CLCN3: variants seen among roughly 807,000 people sequenced by gnomAD.
CLCN3 encodes the protein H(+)/Cl(-) exchange transporter 3.
A neutral mutation model predicts 83.4 loss-of-function variants in CLCN3; 16 were observed. The ratio of observed to expected loss-of-function variants is 0.19; its 90% confidence interval spans 0.13 to 0.29. The LOEUF is 0.29. CLCN3 is among the 10% of genes least tolerant of loss of function. CLCN3 has a pLI of 1.00. For missense variants in CLCN3, 544 were observed against 1,006.0 expected (o/e 0.54, Z 6.21); for synonymous variants, 322 against 346.2 (o/e 0.93, Z 0.78).
intron 2 of CLCN3, among the ~76,000 whole-genome samples, chr4:169,655,862 A>T (rs1259635188): frequency 6.6e-6 from 1 of 152,154 alleles, no homozygotes; most frequent in East Asian, 1.9e-4. Flanking sequence ...GTGATATGTT[A>T]TTTGGGTAAC....
At chr4:169,708,187 C>G (rs1271139004) in intron 11 of CLCN3, among the ~76,000 whole-genome samples, 1 of 152,000 alleles carries the variant, frequency 6.6e-6, no homozygotes, top group African/African-American at 2.4e-5. Context: ...GTGGCCATTG[C>G]AAAAGGATTT....
At chr4:169,643,567 C>T (rs1435590236) in intron 2 of CLCN3, among the ~76,000 whole-genome samples, 1 of 152,046 alleles carries the variant, frequency 6.6e-6, no homozygotes, top group South Asian at 2.1e-4. Flanking sequence ...GGGTCTCATT[C>T]TGTCATCCAG....
intron 2 of CLCN3, among the ~76,000 whole-genome samples, chr4:169,636,545 A>G (rs1167591531): frequency 6.6e-6 from 1 of 152,184 alleles, no homozygotes; most frequent in Non-Finnish European, 1.5e-5. Flanking sequence ...TTTTGCAAGT[A>G]TTTAAACTTT....
chr4:169,690,998 C>T (rs371114163), intron 6 of CLCN3, among the ~76,000 whole-genome samples: 1 of 151,650 alleles, frequency 6.6e-6, no homozygotes, highest in Non-Finnish European at 1.5e-5. Context: ...GCTGTTATGA[C>T]CCTGAATTTT....
chr4:169,719,316 G>A (rs1328767492), intron 12 of CLCN3, among the ~76,000 whole-genome samples: 1 of 152,142 alleles, frequency 6.6e-6, no homozygotes, highest in African/African-American at 2.4e-5. Context: ...AATAATTGGG[G>A]CATGGTGGCA....
rs568676702 is a variant in CLCN3 at position 169,641,280 on chromosome 4, A to T, written c.160+5192A>T. Among the ~76,000 whole-genome samples the T allele has an allele frequency of 1.1e-4, 17 of 152,108 alleles. 1 individual carries two copies. The highest frequency in any genetic ancestry group is 3.9e-4 in the East Asian group (2 of 5,168). Reference sequence around the variant, plus strand: ...CCCAGTCTCTAAATAAAAATAAAAAACCTTTGGAAATACTAAAATGCAAAT... The same window carrying T: ...CCCAGTCTCTAAATAAAAATAAAAATCCTTTGGAAATACTAAAATGCAAAT... On this transcript the variant is annotated intron_variant, in intron 2 of 12. Coordinates refer to ENST00000513761, the MANE Select transcript of CLCN3 (RefSeq NM_001829.4).
chr4:169,673,442 T>G (rs1731555299), intron 2 of CLCN3, among the ~76,000 whole-genome samples: 1 of 152,230 alleles, frequency 6.6e-6, no homozygotes, highest in Non-Finnish European at 1.5e-5. Context: ...TCGTCATTCG[T>G]AAGTCTTTGC....
chr4:169,624,239 T>G (rs1026568995), intron 1 of CLCN3, among the ~76,000 whole-genome samples: 3 of 152,208 alleles, frequency 2.0e-5, no homozygotes, highest in Non-Finnish European at 4.4e-5. Flanking sequence ...GTTCAAGCGA[T>G]TCTCATGCCT....
intron 2 of CLCN3, among the ~76,000 whole-genome samples, chr4:169,676,279 T>C (rs1322724862): frequency 1.3e-5 from 2 of 152,212 alleles, no homozygotes; most frequent in African/African-American, 4.8e-5. Context: ...GACATTTCCA[T>C]AGGTTTGAAT....
chr4:169,623,651 C>CTCCTT (rs1773161707), intron 1 of CLCN3, among the ~76,000 whole-genome samples: 1 of 152,062 alleles, frequency 6.6e-6, no homozygotes, highest in African/African-American at 2.4e-5. Flanking sequence ...TGACTAACCT[C>CTCCTT]TCTCCTTTCC....
At chr4:169,672,220 T>TAAGATAGATA (rs1553968499) in intron 2 of CLCN3, among the ~76,000 whole-genome samples, 1 of 145,496 alleles carries the variant, frequency 6.9e-6, no homozygotes, top group African/African-American at 2.6e-5. Flanking sequence ...TCAAAATAAA[T>TAAGATAGATA]GATAGATAGA....
chr4:169,642,485 CTTTGTTT>C (rs908686827), intron 2 of CLCN3, among the ~76,000 whole-genome samples: 4 of 152,004 alleles, frequency 2.6e-5, no homozygotes, highest in Admixed American at 6.6e-5. Flanking sequence ...TTTCACAGGG[CTTTGTTT>C]TTTGTTTTTT....
At chr4:169,646,527 C>G (rs1296767099) in intron 2 of CLCN3, among the ~76,000 whole-genome samples, 1 of 152,006 alleles carries the variant, frequency 6.6e-6, no homozygotes, top group African/African-American at 2.4e-5. Flanking sequence ...AATTCTTGAC[C>G]TCAAATGATC....
At chr4:169,670,809 T>G (rs1028508273) in intron 2 of CLCN3, among the ~76,000 whole-genome samples, 5 of 152,124 alleles carry the variant, frequency 3.3e-5, no homozygotes, top group African/African-American at 4.8e-5. Flanking sequence ...GGTTTGTAGT[T>G]CTCCTTGAAC....
chr4:169,621,666 A>G (rs1773115882), intron 1 of CLCN3, among the ~76,000 whole-genome samples: 1 of 152,254 alleles, frequency 6.6e-6, no homozygotes, highest in South Asian at 2.1e-4. Context: ...CAGATATATA[A>G]TTCAAAAGTT....
At position 169,720,122 on chromosome 4, in the gene CLCN3, AAAG is replaced by A; in HGVS notation, c.*126_*128del. The stretch of plus-strand genomic sequence containing the variant: ...TTTACAAAAAAAGAAAGGAAATATA[AAAG>A]CCGGGTTTTTGCAACATGGTTTGCA... On this transcript the variant is annotated 3_prime_UTR_variant, in exon 13 of 13. Transcript: ENST00000513761. The A allele has an allele frequency of 6.7e-7, 1 of 1,482,354 alleles. No homozygotes were observed. Among genetic ancestry groups the A allele is most frequent in the South Asian group, 1.3e-5 (1 of 77,038 alleles). 91.8% of individuals were successfully genotyped at this position (1,482,354 alleles called of 1,614,324 possible).
chr4:169,644,182 T>G (rs1343299248), intron 2 of CLCN3, among the ~76,000 whole-genome samples: 1 of 152,236 alleles, frequency 6.6e-6, no homozygotes, highest in Non-Finnish European at 1.5e-5. Flanking sequence ...ATACTTACTG[T>G]TTTATCAAGA....
At chr4:169,690,470 C>T (rs1431867067) in intron 5 of CLCN3, 60 bp from the exon 6 acceptor site, 9 of 1,531,258 alleles carry the variant, frequency 5.9e-6, no homozygotes, top group African/African-American at 1.4e-5. Flanking sequence ...TTATGACAAG[C>T]ATTTGCATTA....
Position 169,713,404 on chromosome 4 carries a change from A to G in CLCN3, c.2366+109A>G, listed in dbSNP as rs1421561354. 3.8e-6 allele frequency: 3 copies of G among 789,726 alleles called. No homozygotes were observed. In the East Asian group the frequency reaches 7.9e-5, roughly 21 times the overall value. The allele number at this position is 789,726 out of a possible 1,614,324, so 48.9% of individuals were successfully genotyped here. ...ATGTGAGTCAGCTCCCAGGTGGGAA[A>G]GTCTGTCCTATGGTATAGTCACAAA... On this transcript the variant is annotated intron_variant, in intron 12 of 12. Transcript: ENST00000513761.
Sources: gnomAD v4.1 joint callset for allele counts (sites outside exome capture counted in the v4.1 genomes callset) on GRCh38, gnomAD v4.1.1 for gene constraint, MANE v1.5 for transcripts, NCBI Gene and HGNC (gene_info 2026-07-23, HGNC 2026-07-21) for gene names.